RIMBP2: variants seen among roughly 807,000 people sequenced by gnomAD.
RIMBP2 encodes the protein RIMS binding protein 2, also known as RIMS-binding protein 2.
A neutral mutation model predicts 118.6 loss-of-function variants in RIMBP2; 48 were observed. That is an observed-to-expected ratio of 0.40 (90% CI 0.32 to 0.51). The LOEUF (loss-of-function observed/expected upper bound fraction) is 0.51. Among genes scored for constraint, RIMBP2 ranks in the 20% least tolerant of loss-of-function variants. The pLI is 0.41. For synonymous variants in RIMBP2, 762 were observed against 742.9 expected, an observed-to-expected ratio of 1.03 and a Z score of -0.42; for missense variants, 1,551 against 1,768.3, an observed-to-expected ratio of 0.88 and a Z score of 2.20.
chr12:130,470,281 G>C (rs1457672484), intron 6 of RIMBP2: 1 of 164,836 alleles, frequency 6.1e-6, no homozygotes. Context: ...GGTACCCCAA[G>C]GCAGTTCATC....
chr12:130,659,775 C>A (rs1485971490), intron 1 of RIMBP2, among the ~76,000 whole-genome samples: 3 of 151,842 alleles, frequency 2.0e-5, no homozygotes, highest in Non-Finnish European at 4.4e-5. Context: ...GAGTTAGATA[C>A]CAGCCTGGCC....
intron 3 of RIMBP2, among the ~76,000 whole-genome samples, chr12:130,514,094 C>T (rs1487592405): frequency 1.3e-5 from 2 of 152,232 alleles, no homozygotes; most frequent in African/African-American, 4.8e-5. Context: ...GCCTCCCATG[C>T]AGGTAGCCAG....
Position 130,514,335 on chromosome 12 carries a change from T to G in RIMBP2, c.-127+3493A>C, listed in dbSNP as rs538444991. Among the ~76,000 whole-genome samples, 3 of 152,274 alleles carry G rather than the reference T, an allele frequency of 2.0e-5. No homozygotes were observed. In the South Asian group the frequency reaches 6.2e-4, roughly 32 times the overall value. On this transcript the variant is annotated intron_variant, in intron 3 of 22. Transcript: ENST00000690449. Reference sequence around the variant, plus strand: ...GACAGCAGGGGGAGAAATTCAAACCTCAAGCAAACAAACAAAGTGGTTTGA... The same window carrying G: ...GACAGCAGGGGGAGAAATTCAAACCGCAAGCAAACAAACAAAGTGGTTTGA...
At chr12:130,482,475 T>C (rs1228513450) in intron 4 of RIMBP2, among the ~76,000 whole-genome samples, 1 of 152,174 alleles carries the variant, frequency 6.6e-6, no homozygotes, top group African/African-American at 2.4e-5. Context: ...CTAAATGACA[T>C]CTGTGGTCCT....
chr12:130,402,937 T>C (rs2074781531), intron 21 of RIMBP2, among the ~76,000 whole-genome samples: 1 of 152,114 alleles, frequency 6.6e-6, no homozygotes. Flanking sequence ...GTGTTAGAAG[T>C]CTTCAGTGAC....
rs180925856 is a variant in RIMBP2 at position 130,564,574 on chromosome 12, A to G, written c.-216-46657T>C. Reference sequence around the variant, plus strand: ...TACAATGGAATATTATTCAGCCTGAAAAAAGGAAGGGAATTCTACCACTTG... The same window carrying G: ...TACAATGGAATATTATTCAGCCTGAGAAAAGGAAGGGAATTCTACCACTTG... On this transcript the variant is annotated intron_variant, in intron 2 of 22. Transcript: ENST00000690449. Among the ~76,000 whole-genome samples the G allele has an allele frequency of 3.0e-3, 464 of 152,350 alleles. 8 individuals carry two copies. Among genetic ancestry groups the G allele is most frequent in the Admixed American group, 0.029 (439 of 15,302 alleles).
intron 1 of RIMBP2, among the ~76,000 whole-genome samples, chr12:130,638,619 T>C (rs1354386509): frequency 6.6e-6 from 1 of 152,156 alleles, no homozygotes; most frequent in East Asian, 1.9e-4. Context: ...TATGAGTATC[T>C]AATGCCTGAT....
At chr12:130,652,355 C>T (rs1167253057) in intron 1 of RIMBP2, among the ~76,000 whole-genome samples, 1 of 152,214 alleles carries the variant, frequency 6.6e-6, no homozygotes, top group Middle Eastern at 3.2e-3. Context: ...GCCTGCAAAG[C>T]TGAACATGTT....
At chr12:130,598,469 C>T (rs899245719) in intron 2 of RIMBP2, among the ~76,000 whole-genome samples, 1 of 152,218 alleles carries the variant, frequency 6.6e-6, no homozygotes, top group Admixed American at 6.5e-5. Flanking sequence ...TGGCTCATGC[C>T]TGTCATTCCA....
chr12:130,424,490 C>T lies in RIMBP2; in HGVS notation c.2781G>A (p.Glu927=). Residue 927 remains glutamate, a synonymous_variant, in exon 16 of 23, where the codon GAG becomes GAA. Transcript: ENST00000690449. This position sits in a 1 kb window ranked among gnomAD's most constrained non-coding sequence, Gnocchi z 9.8. The part of the protein sequence containing the change: ...PDSGLDCGSE[E]DESRFGFGNT... The stretch of plus-strand genomic sequence containing the variant: ...TTCCGAAGCCAAACCGCGACTCGTC[C>T]TCTTCACTCCCACAGTCCAGGCCGC... 2 of 1,232,186 alleles carry T rather than the reference C, an allele frequency of 1.6e-6. No individual in the cohort carries two copies. The highest frequency in any genetic ancestry group is 2.0e-6 in the Non-Finnish European group (2 of 987,886). 76.3% of individuals were successfully genotyped at this position (1,232,186 alleles called of 1,614,324 possible).
chr12:130,459,807 C>T (rs998640412), intron 6 of RIMBP2, among the ~76,000 whole-genome samples: 2 of 152,072 alleles, frequency 1.3e-5, no homozygotes, highest in African/African-American at 4.8e-5. Context: ...GAGGGTGAGC[C>T]GAGCAGCAGC....
intron 2 of RIMBP2, among the ~76,000 whole-genome samples, chr12:130,532,040 TGC>T (rs1333034786): frequency 5.2e-4 from 49 of 94,950 alleles, no homozygotes; most frequent in African/African-American, 1.9e-3. Context: ...TCTAATGAGA[TGC>T]GTATGTTTAG....
rs1052187446 is a variant in RIMBP2, at chr12:130,514,824, T to G, written c.-127+3004A>C. 2.0e-5 allele frequency among the ~76,000 whole-genome samples: 3 copies of G among 152,160 alleles called. No homozygotes were observed. The East Asian group carries it at 5.8e-4, about 29-fold the overall frequency. On this transcript the variant is annotated intron_variant, in intron 3 of 22. Transcript: ENST00000690449. Reference sequence around the variant, plus strand: ...TTCCTGCAAGTGTAGGTTTGGAAAGTGGGGGCTGGTGGAAAAATGGGGAAA... The same window carrying G: ...TTCCTGCAAGTGTAGGTTTGGAAAGGGGGGGCTGGTGGAAAAATGGGGAAA...
intron 11 of RIMBP2, among the ~76,000 whole-genome samples, chr12:130,439,080 ATG>A (rs964164226): frequency 1.4e-4 from 22 of 151,986 alleles, no homozygotes; most frequent in Middle Eastern, 3.2e-3. Flanking sequence ...AAACTGAAAG[ATG>A]AAGAGACCAG....
chr12:130,553,084 C>T, intron 2 of RIMBP2, among the ~76,000 whole-genome samples: 1 of 150,276 alleles, frequency 6.7e-6, no homozygotes, highest in African/African-American at 2.5e-5. Flanking sequence ...ACCTGGGAGG[C>T]AGAGCTTGCA....
In RIMBP2 at chr12:130,664,806, C is replaced by T. The variant is rs189323201; in HGVS notation, c.-351-36350G>A. The stretch of plus-strand genomic sequence containing the variant: ...TTAAAATAATGGCAATAAATTTAAC[C>T]TTGGAATAAAATAAGAATCCATCAG... On this transcript the variant is annotated intron_variant, in intron 1 of 22. Transcript: ENST00000690449. Among the ~76,000 whole-genome samples, 223 of 151,864 alleles carry T rather than the reference C, an allele frequency of 1.5e-3. 5 individuals are homozygous for T. The highest frequency in any genetic ancestry group is 0.01 in the Middle Eastern group (3 of 294).
chr12:130,712,847 C>A (rs1950017564), intron 1 of RIMBP2, among the ~76,000 whole-genome samples: 2 of 152,116 alleles, frequency 1.3e-5, no homozygotes, highest in Non-Finnish European at 2.9e-5. Context: ...ACGACAGCCA[C>A]ACTGGGATGG....
intron 12 of RIMBP2, 31 bp downstream of exon 12, chr12:130,438,334 A>AGGGGCCCCCCCCCCC: frequency 7.4e-7 from 1 of 1,344,518 alleles, no homozygotes; most frequent in Non-Finnish European, 1.1e-6. Flanking sequence ...GGGCCTAACA[A>AGGGGCCCCCCCCCCC]ACCCTCCCCA....
chr12:130,510,759 T>C (rs1053766970), intron 3 of RIMBP2, among the ~76,000 whole-genome samples: 3 of 152,184 alleles, frequency 2.0e-5, no homozygotes, highest in Non-Finnish European at 4.4e-5. Context: ...GTGAACCACC[T>C]CACCCGGCTG....
Sources: allele counts gnomAD v4.1 joint callset (sites outside exome capture counted in the v4.1 genomes callset), GRCh38; gene constraint gnomAD v4.1.1; non-coding constraint Gnocchi (gnomAD v3.1); transcripts MANE v1.5; gene names NCBI Gene and HGNC (gene_info 2026-07-23, HGNC 2026-07-21).